Variants in PCP4L1 observed in about 807,000 individuals in gnomAD.
The protein encoded by PCP4L1 is Purkinje cell protein 4 like 1.
A neutral mutation model predicts 9.6 loss-of-function variants in PCP4L1; 9 were observed. That is an observed-to-expected ratio of 0.94 (90% CI 0.57 to 1.64). PCP4L1 has a LOEUF of 1.64. Among genes scored for constraint, PCP4L1 ranks in the 40% most tolerant of loss-of-function variants. The pLI is 0.00. For missense variants in PCP4L1, 81 were observed against 80.8 expected (o/e 1.00, Z -0.01); for synonymous variants, 31 against 28.2 (o/e 1.10, Z -0.31).
At chr1:161,268,828 C>T (rs992730245) in intron 1 of PCP4L1, among the ~76,000 whole-genome samples, 11 of 152,160 alleles carry the variant, frequency 7.2e-5, no homozygotes, top group African/African-American at 2.4e-4. Context: ...GGATTACAGG[C>T]GTGAGCCACC....
Position 161,258,771 on chromosome 1 carries a change from G to C in PCP4L1, c.-204G>C, listed in dbSNP as rs1669362906. On this transcript the variant is annotated 5_prime_UTR_variant, in exon 1 of 3. Coordinates refer to ENST00000504449, the MANE Select transcript of PCP4L1 (RefSeq NM_001102566.2). ...AGCGGCTCTGACAGGACGGGTCGCA[G>C]GGGGTCGCCTGGCCGGAGCTGGGCT... is the stretch of plus-strand genomic sequence containing the variant. The C allele has an allele frequency of 1.3e-6, 1 of 778,770 alleles. No individual in the cohort carries two copies. Among genetic ancestry groups the C allele is most frequent in the African/African-American group, 1.8e-5 (1 of 56,272 alleles). The allele number at this position is 778,770 out of a possible 1,614,324, so 48.2% of individuals were successfully genotyped here. A position where few individuals can be genotyped will look rare whatever the true frequency, so the allele number is the denominator to read the frequency against.
chr1:161,271,327 C>T (rs188982641), intron 1 of PCP4L1, among the ~76,000 whole-genome samples: 38 of 152,162 alleles, frequency 2.5e-4, no homozygotes, highest in East Asian at 1.5e-3. Context: ...TTTTCATGTG[C>T]GTGTCATCCA....
intron 1 of PCP4L1, among the ~76,000 whole-genome samples, chr1:161,266,404 G>A (rs1669531658): frequency 6.6e-6 from 1 of 152,214 alleles, no homozygotes; most frequent in Non-Finnish European, 1.5e-5. Context: ...ACCTCAGTGT[G>A]GGGTGAAGGC....
At chr1:161,265,524 G>A (rs965421645) in intron 1 of PCP4L1, among the ~76,000 whole-genome samples, 2 of 151,616 alleles carry the variant, frequency 1.3e-5, no homozygotes, top group African/African-American at 4.9e-5. Context: ...CCCTGTCTCA[G>A]GGAAAAAAAA....
intron 1 of PCP4L1, among the ~76,000 whole-genome samples, chr1:161,273,965 G>C (rs1019479279): frequency 6.6e-6 from 1 of 152,164 alleles, no homozygotes; most frequent in African/African-American, 2.4e-5. Context: ...ATGGATTCTA[G>C]AGCCAGACTG....
At chr1:161,260,626 G>A (rs1476350066) in intron 1 of PCP4L1, among the ~76,000 whole-genome samples, 1 of 152,144 alleles carries the variant, frequency 6.6e-6, no homozygotes, top group Non-Finnish European at 1.5e-5. Flanking sequence ...CACACTACAG[G>A]GGCTGGCATT....
chr1:161,281,534 C>T (rs1342523097), intron 1 of PCP4L1, among the ~76,000 whole-genome samples: 1 of 151,118 alleles, frequency 6.6e-6, no homozygotes, highest in Non-Finnish European at 1.5e-5. Context: ...ACCTCCCTCC[C>T]GGACGGGGCA....
At chr1:161,280,353 C>T (rs1159295008) in intron 1 of PCP4L1, among the ~76,000 whole-genome samples, 1 of 152,142 alleles carries the variant, frequency 6.6e-6, no homozygotes, top group Non-Finnish European at 1.5e-5. Flanking sequence ...ATCTCACCCC[C>T]TCTCTCCTAT....
chr1:161,281,213 C>A (rs1212707119), intron 1 of PCP4L1, among the ~76,000 whole-genome samples: 1 of 152,158 alleles, frequency 6.6e-6, no homozygotes, highest in Non-Finnish European at 1.5e-5. Context: ...TAGTACAGAA[C>A]AAAATGAAAA....
intron 1 of PCP4L1, among the ~76,000 whole-genome samples, chr1:161,282,023 G>A (rs1315786120): frequency 1.3e-5 from 2 of 152,154 alleles, no homozygotes; most frequent in Non-Finnish European, 2.9e-5. Context: ...CACTTTGGGA[G>A]GCCAAGGCAG....
intron 1 of PCP4L1, among the ~76,000 whole-genome samples, chr1:161,283,146 GTCTGCTAT>G (rs1400300062): frequency 2.0e-5 from 3 of 151,914 alleles, no homozygotes; most frequent in South Asian, 4.1e-4. Flanking sequence ...AACTACACTG[GTCTGCTAT>G]TCCTCAGACA....
At chr1:161,268,725 T>A (rs1283400870) in intron 1 of PCP4L1, among the ~76,000 whole-genome samples, 1 of 152,098 alleles carries the variant, frequency 6.6e-6, no homozygotes, top group African/African-American at 2.4e-5. Flanking sequence ...AATTTTGTAT[T>A]TTTAGTAGAG....
intron 1 of PCP4L1, 98 bp downstream of exon 1, chr1:161,259,081 G>A: frequency 6.8e-7 from 1 of 1,469,554 alleles, no homozygotes; most frequent in Non-Finnish European, 9.0e-7. Context: ...AGGCAGACCG[G>A]AGCCGCGAAG....
intron 1 of PCP4L1, 84 bp from the exon 2 acceptor site, chr1:161,283,584 A>G (rs1173894051): frequency 1.6e-6 from 2 of 1,247,432 alleles, no homozygotes; most frequent in Non-Finnish European, 2.3e-6. Context: ...AGGGTTTGAG[A>G]GTATATAAGA....
chr1:161,261,049 C>T (rs1669408073), intron 1 of PCP4L1, among the ~76,000 whole-genome samples: 1 of 152,104 alleles, frequency 6.6e-6, no homozygotes, highest in Non-Finnish European at 1.5e-5. Context: ...AAGTGTTGCC[C>T]AGAGCTCTAG....
At chr1:161,260,839 T>C (rs1291774317) in intron 1 of PCP4L1, among the ~76,000 whole-genome samples, 1 of 152,160 alleles carries the variant, frequency 6.6e-6, no homozygotes, top group East Asian at 1.9e-4. Context: ...TCCTAGGCTA[T>C]CAGAGCAAAC....
Position 161,283,708 on chromosome 1 carries a change from G to A in PCP4L1, c.50G>A (p.Gly17Asp). ...KTSPATNQAAGQEEKGKAGNV... is the reference protein window; with the variant it reads ...KTSPATNQAADQEEKGKAGNV... Reference sequence around the variant, plus strand: ...TCCCCAGCAACCAACCAGGCAGCTGGCCAAGAGGAAAAAGGTGAGTGGGGT... The same window carrying A: ...TCCCCAGCAACCAACCAGGCAGCTGACCAAGAGGAAAAAGGTGAGTGGGGT... Residue 17 changes from glycine to aspartate, a missense_variant, in exon 2 of 3, where the codon GGC (glycine) becomes GAC (aspartate). Transcript: ENST00000504449. 3 of 1,606,270 alleles carry A rather than the reference G, an allele frequency of 1.9e-6. No individual in the cohort carries two copies. Among genetic ancestry groups the A allele is most frequent in the Non-Finnish European group, 2.6e-6 (3 of 1,176,098 alleles).
At chr1:161,279,493 T>C (rs990678206) in intron 1 of PCP4L1, among the ~76,000 whole-genome samples, 1 of 152,218 alleles carries the variant, frequency 6.6e-6, no homozygotes, top group African/African-American at 2.4e-5. Flanking sequence ...TGAAGTGAGA[T>C]GGAAACAGCA....
chr1:161,263,271 G>T (rs1190729138), intron 1 of PCP4L1, among the ~76,000 whole-genome samples: 2 of 151,930 alleles, frequency 1.3e-5, no homozygotes, highest in African/African-American at 4.8e-5. Flanking sequence ...GTCTTGCACT[G>T]TTGCCAGGGC....
Sources: allele counts gnomAD v4.1 joint callset (sites outside exome capture counted in the v4.1 genomes callset), GRCh38; gene constraint gnomAD v4.1.1; transcripts MANE v1.5; gene names NCBI Gene and HGNC (gene_info 2026-07-23, HGNC 2026-07-21).